Variants in GPM6B observed in about 807,000 individuals in gnomAD.
GPM6B encodes the protein glycoprotein M6B.
In GPM6B, 4 loss-of-function variants were observed where a neutral mutation model predicts 27.2. The observed-to-expected ratio is 0.15, with a 90% confidence interval of 0.07 to 0.34. The LOEUF (loss-of-function observed/expected upper bound fraction) is 0.34. GPM6B is among the 10% of genes least tolerant of loss of function. GPM6B has a pLI of 1.00. For synonymous variants in GPM6B, 124 were observed against 103.1 expected (o/e 1.20, Z -1.23); for missense variants, 183 against 261.9 (o/e 0.70, Z 2.08).
At chrX:13,891,356 A>T (rs2050186747) in intron 1 of GPM6B, among the ~76,000 whole-genome samples, 1 of 111,333 alleles carries the variant, frequency 9.0e-6, no homozygotes, top group Non-Finnish European at 1.9e-5. Flanking sequence ...CATAAAAAAT[A>T]GTGCTTTCGG....
At chrX:13,803,076 T>A (rs1436042294) in intron 2 of GPM6B, among the ~76,000 whole-genome samples, 1 of 111,303 alleles carries the variant, frequency 9.0e-6, no homozygotes, top group Non-Finnish European at 1.9e-5. Context: ...TAGGAAAGAG[T>A]GACACTAAAG....
chrX:13,891,202 A>C (rs993051342), intron 1 of GPM6B, among the ~76,000 whole-genome samples: 1 of 111,786 alleles, frequency 8.9e-6, no homozygotes, highest in Non-Finnish European at 1.9e-5. Context: ...GTGGTGGTCC[A>C]TGGCCCAGTA....
At chrX:13,854,190 T>C (rs191860249) in intron 1 of GPM6B, among the ~76,000 whole-genome samples, 5 of 111,896 alleles carry the variant, frequency 4.5e-5, no homozygotes, top group South Asian at 3.7e-4. Flanking sequence ...TGAAACCAAC[T>C]GTGGCACTCC....
intron 1 of GPM6B, among the ~76,000 whole-genome samples, chrX:13,877,141 G>A (rs901620374): frequency 8.9e-6 from 1 of 111,749 alleles, no homozygotes; most frequent in Admixed American, 9.5e-5. Context: ...AGCTAGAACT[G>A]CAGATGATTA....
chrX:13,839,976 ACGT>A (rs1349758841), intron 1 of GPM6B, among the ~76,000 whole-genome samples: 1 of 111,584 alleles, frequency 9.0e-6, no homozygotes, highest in Non-Finnish European at 1.9e-5. Context: ...TGATAAATGG[ACGT>A]ACATGGATTA....
intron 1 of GPM6B, among the ~76,000 whole-genome samples, chrX:13,827,289 T>C (rs1327231007): frequency 9.9e-6 from 1 of 100,673 alleles, no homozygotes; most frequent in Non-Finnish European, 2.0e-5. Context: ...TTTTTTTTTT[T>C]TTTTTCTTTT....
rs371717775 is a variant in GPM6B at position 13,885,194 on chromosome X, C to T, written c.-198+53133G>A. On this transcript the variant is annotated intron_variant, in intron 1 of 6. Coordinates refer to the GPM6B transcript ENST00000398361. ...CATAAGTAAAATTATCAAGTATACA[C>T]GGAGGATTGGTTTACTATAAAGTAT... Among the ~76,000 whole-genome samples, 9 of 111,657 alleles carry T rather than the reference C, an allele frequency of 8.1e-5. No individual in the cohort carries two copies. In the East Asian group the frequency reaches 1.7e-3, roughly 21 times the overall value.
chrX:13,931,212 C>CAAA (rs1458139238), intron 1 of GPM6B, among the ~76,000 whole-genome samples: 2 of 108,033 alleles, frequency 1.9e-5, no homozygotes, highest in Non-Finnish European at 3.8e-5. Context: ...ACAACAACAA[C>CAAA]AAATCCCACT....
At chrX:13,872,371 TG>T (rs1405741589) in intron 1 of GPM6B, among the ~76,000 whole-genome samples, 2 of 110,130 alleles carry the variant, frequency 1.8e-5, no homozygotes, top group East Asian at 2.8e-4. Flanking sequence ...GGTTTCACTA[TG>T]TTGCCCAGGC....
At chrX:13,842,186 G>T (rs777720153) in intron 1 of GPM6B, among the ~76,000 whole-genome samples, 2 of 112,295 alleles carry the variant, frequency 1.8e-5, no homozygotes, top group Admixed American at 9.4e-5. Context: ...TTAGAAAATT[G>T]TCATTGCATT....
At chrX:13,865,794 A>T (rs925073558) in intron 1 of GPM6B, among the ~76,000 whole-genome samples, 3 of 107,984 alleles carry the variant, frequency 2.8e-5, no homozygotes, top group Non-Finnish European at 5.7e-5. Context: ...AAAGAAAAAA[A>T]CCCCATTCTC....
chrX:13,891,561 C>T (rs1200983212), intron 1 of GPM6B, among the ~76,000 whole-genome samples: 1 of 112,495 alleles, frequency 8.9e-6, no homozygotes, highest in African/African-American at 3.2e-5. Context: ...GTGGCATGTT[C>T]GCCATTGTGG....
intron 1 of GPM6B, among the ~76,000 whole-genome samples, chrX:13,853,179 T>C (rs1353455491): frequency 9.0e-6 from 1 of 111,252 alleles, no homozygotes; most frequent in African/African-American, 3.3e-5. Context: ...AATATTCACT[T>C]AGGTACCTGC....
At chrX:13,790,508 C>A (rs1004206667) in intron 2 of GPM6B, among the ~76,000 whole-genome samples, 11 of 111,347 alleles carry the variant, frequency 9.9e-5, no homozygotes, top group Non-Finnish European at 1.9e-4. Context: ...ATTTGAGAAG[C>A]CCATTTCTAG....
chrX:13,910,207 G>T (rs1053004722), intron 1 of GPM6B, among the ~76,000 whole-genome samples: 6 of 112,242 alleles, frequency 5.3e-5, no homozygotes, highest in Admixed American at 9.4e-5. Flanking sequence ...CTCAGTGCAG[G>T]CCATCCTAGC....
At chrX:13,865,542 C>CAA (rs1171503867) in intron 1 of GPM6B, among the ~76,000 whole-genome samples, 444 of 14,542 alleles carry the variant, frequency 0.031, 27 homozygotes, top group Non-Finnish European at 0.061. Context: ...TCCATCTCTT[C>CAA]AAAAAAAAAA....
chrX:13,798,668 T>G (rs1268477293), intron 2 of GPM6B, among the ~76,000 whole-genome samples: 2 of 112,829 alleles, frequency 1.8e-5, no homozygotes, highest in Non-Finnish European at 3.7e-5. Flanking sequence ...TATCCATGCC[T>G]GCAATAAGCT....
At chrX:13,918,142 T>C (rs1223933006) in intron 1 of GPM6B, among the ~76,000 whole-genome samples, 1 of 112,935 alleles carries the variant, frequency 8.9e-6, no homozygotes, top group African/African-American at 3.2e-5. Context: ...GTTTTGCTTA[T>C]AACCCTTATA....
chrX:13,825,461 G>A (rs980773136), intron 1 of GPM6B, among the ~76,000 whole-genome samples: 45 of 112,284 alleles, frequency 4.0e-4, no homozygotes, highest in African/African-American at 1.2e-3. Context: ...AACCACCCTC[G>A]AAGGACGCAC....
Sources: allele counts gnomAD v4.1 joint callset (sites outside exome capture counted in the v4.1 genomes callset), GRCh38; gene constraint gnomAD v4.1.1; transcripts MANE v1.5; gene names NCBI Gene and HGNC (gene_info 2026-07-23, HGNC 2026-07-21).